The following RAI14 variants were observed in gnomAD, a reference collection of about 807,000 sequenced individuals.
RAI14 encodes the protein retinoic acid induced 14.
Under a neutral mutation model 115.4 loss-of-function variants are expected in RAI14, and 45 were observed. The observed-to-expected ratio is 0.39, with a 90% CI of 0.31 to 0.50. RAI14 has a LOEUF of 0.50. RAI14 is among the 20% of genes least tolerant of loss of function. The pLI, the probability that RAI14 is intolerant of heterozygous loss-of-function variation, is 0.85. For synonymous variants in RAI14, 371 were observed against 415.4 expected (o/e 0.89, Z 1.30); for missense variants, 939 against 1,131.2 (o/e 0.83, Z 2.44).
intron 2 of RAI14, among the ~76,000 whole-genome samples, chr5:34,697,360 C>T (rs554476010): frequency 1.1e-4 from 17 of 150,296 alleles, no homozygotes; most frequent in Admixed American, 2.7e-4. Flanking sequence ...TGCTTGAACC[C>T]GGGAGGCAGA....
At chr5:34,772,756 C>T (rs577333549) in intron 3 of RAI14, among the ~76,000 whole-genome samples, 3 of 152,252 alleles carry the variant, frequency 2.0e-5, no homozygotes, top group African/African-American at 4.8e-5. Context: ...GGCTGCCACC[C>T]GGCTGCTATT....
chr5:34,756,812 A>G (rs1252519443), intron 2 of RAI14, among the ~76,000 whole-genome samples: 1 of 152,210 alleles, frequency 6.6e-6, no homozygotes, highest in African/African-American at 2.4e-5. Flanking sequence ...TGTGGTTTGC[A>G]GAATTATTCA....
intron 2 of RAI14, chr5:34,733,330 C>T (rs1178087288): frequency 6.6e-6 from 1 of 152,180 alleles, no homozygotes; most frequent in Non-Finnish European, 1.5e-5. Context: ...GATCTGAGCC[C>T]AGGTCTGTGT....
chr5:34,799,533 C>A (rs1182758854), intron 4 of RAI14, among the ~76,000 whole-genome samples: 25 of 76,164 alleles, frequency 3.3e-4, no homozygotes, highest in African/African-American at 1.2e-3. Context: ...CACACACACA[C>A]ACACACAAAA....
At chr5:34,753,505 C>A (rs1014296457) in intron 2 of RAI14, among the ~76,000 whole-genome samples, 1 of 152,044 alleles carries the variant, frequency 6.6e-6, no homozygotes, top group South Asian at 2.1e-4. Context: ...GAGCCAGGCA[C>A]GGTGGCTCAC....
In RAI14 at chr5:34,795,967, G is replaced by A. The variant is rs756204730; in HGVS notation, c.196G>A (p.Val66Met). The A allele has an allele frequency of 7.4e-6, 12 of 1,613,094 alleles. No individual in the cohort carries two copies. Among genetic ancestry groups the A allele is most frequent in the Non-Finnish European group, 9.3e-6 (11 of 1,179,358 alleles). ...CCATCTTGCTGCTGCAAAAGGACAC[G>A]TGGAATGCCTCAGGGTCATGATTAC... ...AFHLAAAKGH[V>M]ECLRVMITHG... The change falls in exon 4 of 18, where the codon GTG (valine) becomes ATG (methionine). Residue 66 changes from valine to methionine, a missense_variant. Coordinates refer to ENST00000265109, the MANE Select transcript of RAI14 (RefSeq NM_015577.3).
intron 2 of RAI14, among the ~76,000 whole-genome samples, chr5:34,743,285 T>C (rs898652752): frequency 2.6e-5 from 4 of 152,190 alleles, no homozygotes; most frequent in African/African-American, 9.7e-5. Context: ...AACTGTTCCA[T>C]GTCTGTCTCC....
At chr5:34,715,116 T>G (rs1741835893) in intron 2 of RAI14, among the ~76,000 whole-genome samples, 1 of 152,262 alleles carries the variant, frequency 6.6e-6, no homozygotes, top group Non-Finnish European at 1.5e-5. Context: ...AGCGTGGGCA[T>G]ACTCAGGAGA....
At chr5:34,717,691 G>A (rs1046787265) in intron 2 of RAI14, among the ~76,000 whole-genome samples, 2 of 152,088 alleles carry the variant, frequency 1.3e-5, no homozygotes, top group African/African-American at 2.4e-5. Flanking sequence ...ACCCATGCCC[G>A]TCTTTTGCTG....
At chr5:34,690,810 A>G (rs887367838) in intron 2 of RAI14, among the ~76,000 whole-genome samples, 1 of 152,152 alleles carries the variant, frequency 6.6e-6, no homozygotes, top group African/African-American at 2.4e-5. Flanking sequence ...TTATAACTTT[A>G]TTTTGGGAGT....
In RAI14 at chr5:34,791,590, C is replaced by T. The variant is rs1752925547; in HGVS notation, c.168-4349C>T. The stretch of plus-strand genomic sequence containing the variant: ...ACATTTCATCCTGTGGATCATCACA[C>T]ACAAAATACCCAACCCTGCTGTCAT... On this transcript the variant is annotated intron_variant, in intron 3 of 17. Transcript: ENST00000265109. The surrounding 1 kb of genome is among the most constrained non-coding windows in gnomAD (Gnocchi z 5.4). 6.6e-6 allele frequency among the ~76,000 whole-genome samples: 1 copy of T among 152,028 alleles called. No individual in the cohort carries two copies. Among genetic ancestry groups the T allele is most frequent in the Non-Finnish European group, 1.5e-5 (1 of 68,028 alleles).
chr5:34,752,701 ATATG>A (rs1163589678), intron 2 of RAI14, among the ~76,000 whole-genome samples: 3,870 of 89,922 alleles, frequency 0.043, 358 homozygotes, highest in African/African-American at 0.099. Flanking sequence ...TTTCTTACAT[ATATG>A]TGTGTGTGTG....
At chr5:34,756,896 A>G (rs1747958247) in intron 2 of RAI14, among the ~76,000 whole-genome samples, 1 of 152,224 alleles carries the variant, frequency 6.6e-6, no homozygotes, top group Non-Finnish European at 1.5e-5. Context: ...GCTCAGGAAG[A>G]AGTTTTGTTT....
At chr5:34,747,558 A>G (rs1279178012) in intron 2 of RAI14, among the ~76,000 whole-genome samples, 1 of 152,228 alleles carries the variant, frequency 6.6e-6, no homozygotes, top group African/African-American at 2.4e-5. Context: ...TAAATAATGA[A>G]TATAAGTAAA....
chr5:34,778,662 A>G (rs992985530), intron 3 of RAI14, among the ~76,000 whole-genome samples: 6 of 152,020 alleles, frequency 3.9e-5, no homozygotes, highest in Non-Finnish European at 8.8e-5. Context: ...TCACACCTGT[A>G]ACCCCAGTTT....
At chr5:34,695,420 A>G (rs1739107948) in intron 2 of RAI14, among the ~76,000 whole-genome samples, 1 of 152,190 alleles carries the variant, frequency 6.6e-6, no homozygotes, top group Non-Finnish European at 1.5e-5. Flanking sequence ...CAGGAACCCC[A>G]GCCTTTCTCT....
chr5:34,778,267 G>A (rs1028144332), intron 3 of RAI14, among the ~76,000 whole-genome samples: 1 of 152,190 alleles, frequency 6.6e-6, no homozygotes, highest in African/African-American at 2.4e-5. Context: ...TCTTGTAAAT[G>A]CAGCTTTTGA....
chr5:34,687,992 G>C, intron 2 of RAI14: 2 of 1,241,606 alleles, frequency 1.6e-6, no homozygotes, highest in Non-Finnish European at 2.2e-6. Flanking sequence ...TGGGATGATG[G>C]TAAAATACCG....
intron 3 of RAI14, among the ~76,000 whole-genome samples, chr5:34,758,029 T>C (rs555133777): frequency 6.6e-6 from 1 of 152,376 alleles, no homozygotes; most frequent in South Asian, 2.1e-4. Context: ...GTTTGCTGTA[T>C]GTAGTACTCT....
Sources: allele counts gnomAD v4.1 joint callset (sites outside exome capture counted in the v4.1 genomes callset), GRCh38; gene constraint gnomAD v4.1.1; non-coding constraint Gnocchi (gnomAD v3.1); transcripts MANE v1.5; gene names NCBI Gene and HGNC (gene_info 2026-07-23, HGNC 2026-07-21).